The following PLCL1 variants were observed in gnomAD, a reference collection of about 807,000 sequenced individuals.
PLCL1 encodes the protein phospholipase C like 1 (inactive).
PLCL1 carries 41 observed loss-of-function variants against 84.4 expected under a neutral mutation model. The observed-to-expected ratio is 0.49, with a 90% confidence interval of 0.38 to 0.63. The LOEUF is 0.63. PLCL1 is among the 30% of genes least tolerant of loss of function. The pLI, the probability that PLCL1 is intolerant of heterozygous loss-of-function variation, is 0.00. For synonymous variants in PLCL1, 490 were observed against 488.3 expected (o/e 1.00, Z -0.05); for missense variants, 1,206 against 1,367.8 (o/e 0.88, Z 1.87).
chr2:197,825,238 G>C (rs1197801602), intron 1 of PLCL1, among the ~76,000 whole-genome samples: 1 of 152,098 alleles, frequency 6.6e-6, no homozygotes, highest in African/African-American at 2.4e-5. Flanking sequence ...TGTAATCTTT[G>C]TGCAAGCCAA....
At chr2:197,820,125 T>G (rs1238377351) in intron 1 of PLCL1, among the ~76,000 whole-genome samples, 1 of 152,082 alleles carries the variant, frequency 6.6e-6, no homozygotes, top group Non-Finnish European at 1.5e-5. Flanking sequence ...TAGGTGCATA[T>G]ATGTTATTTC....
At chr2:197,894,851 C>T (rs1688102333) in intron 1 of PLCL1, among the ~76,000 whole-genome samples, 1 of 151,860 alleles carries the variant, frequency 6.6e-6, no homozygotes, top group South Asian at 2.1e-4. Flanking sequence ...AACCATGGTC[C>T]CTCCTTTTCC....
chr2:197,952,601 G>A (rs1202976263), intron 1 of PLCL1, among the ~76,000 whole-genome samples: 2 of 152,124 alleles, frequency 1.3e-5, no homozygotes, highest in Non-Finnish European at 2.9e-5. Flanking sequence ...ATTTTCTTGT[G>A]GGGATCCTAC....
chr2:197,849,898 T>C (rs958956065), intron 1 of PLCL1, among the ~76,000 whole-genome samples: 1 of 152,144 alleles, frequency 6.6e-6, no homozygotes, highest in African/African-American at 2.4e-5. Context: ...AGTGACTGGT[T>C]CAGGTTCTCT....
chr2:197,987,369 A>G lies in PLCL1; in HGVS notation c.241-96389A>G, dbSNP rs187882741. ...AGTCAGATCTGGCCACACTGTGCCC[A>G]CATTCATGCATGGCAGTAGGCTGAA... On this transcript the variant is annotated intron_variant, in intron 1 of 5. Coordinates refer to ENST00000428675, the MANE Select transcript of PLCL1 (RefSeq NM_006226.4). Among the ~76,000 whole-genome samples, 689 of 152,362 alleles carry G rather than the reference A, an allele frequency of 4.5e-3. 5 individuals carry two copies. The highest frequency in any genetic ancestry group is 0.016 in the African/African-American group (660 of 41,582).
chr2:198,077,663 C>T (rs1692612309), intron 1 of PLCL1, among the ~76,000 whole-genome samples: 1 of 152,158 alleles, frequency 6.6e-6, no homozygotes, highest in Admixed American at 6.5e-5. Context: ...TAACTTCCAA[C>T]ACTGAAACTG....
intron 1 of PLCL1, among the ~76,000 whole-genome samples, chr2:198,017,941 A>G (rs1373867036): frequency 1.3e-5 from 2 of 152,220 alleles, no homozygotes; most frequent in Non-Finnish European, 2.9e-5. Flanking sequence ...GCTCCCAGGC[A>G]AGATGGCTGA....
chr2:198,066,163 T>C (rs988616033), intron 1 of PLCL1, among the ~76,000 whole-genome samples: 1 of 152,226 alleles, frequency 6.6e-6, no homozygotes, highest in Non-Finnish European at 1.5e-5. Flanking sequence ...AGTACTCTTC[T>C]CTTTTTATTC....
chr2:197,839,325 G>A (rs1691251168), intron 1 of PLCL1, among the ~76,000 whole-genome samples: 1 of 152,160 alleles, frequency 6.6e-6, no homozygotes, highest in Non-Finnish European at 1.5e-5. Context: ...TCAGCATCAG[G>A]GACTGGTTGC....
At chr2:198,131,595 C>A (rs1694119810) in intron 5 of PLCL1, among the ~76,000 whole-genome samples, 1 of 152,172 alleles carries the variant, frequency 6.6e-6, no homozygotes, top group Non-Finnish European at 1.5e-5. Flanking sequence ...TTTCCAAAGT[C>A]ACAAAGTCAA....
At chr2:198,043,899 T>TTTTTA (rs1691727279) in intron 1 of PLCL1, among the ~76,000 whole-genome samples, 4 of 150,714 alleles carry the variant, frequency 2.7e-5, no homozygotes, top group Admixed American at 1.3e-4. Context: ...TTTTTTTTTT[T>TTTTTA]AAATGAGAGG....
At chr2:198,118,242 T>G (rs1693790386) in intron 5 of PLCL1, among the ~76,000 whole-genome samples, 1 of 151,956 alleles carries the variant, frequency 6.6e-6, no homozygotes, top group African/African-American at 2.4e-5. Context: ...TCTTTGCTAC[T>G]GAATCACAGT....
chr2:198,139,160 T>TA (rs915245814), intron 5 of PLCL1, among the ~76,000 whole-genome samples: 67 of 143,806 alleles, frequency 4.7e-4, no homozygotes, highest in Middle Eastern at 3.6e-3. Context: ...CGTCTCAAAA[T>TA]AAAAAAAAAA....
intron 1 of PLCL1, among the ~76,000 whole-genome samples, chr2:197,993,267 G>A (rs1036968711): frequency 1.3e-5 from 2 of 152,140 alleles, no homozygotes; most frequent in Non-Finnish European, 2.9e-5. Context: ...TGGTGATGTT[G>A]AGCATTTTTT....
intron 1 of PLCL1, among the ~76,000 whole-genome samples, chr2:198,008,885 T>G (rs1337104751): frequency 6.6e-6 from 1 of 152,072 alleles, no homozygotes; most frequent in East Asian, 1.9e-4. Flanking sequence ...GCTCTTTTGA[T>G]GGTGACCATC....
At chr2:198,036,335 A>G (rs758135967) in intron 1 of PLCL1, among the ~76,000 whole-genome samples, 1 of 152,188 alleles carries the variant, frequency 6.6e-6, no homozygotes, top group Non-Finnish European at 1.5e-5. Context: ...CTCTGTTTAG[A>G]TTCTTCACAC....
At chr2:198,092,050 C>T (rs1385571414) in intron 3 of PLCL1, among the ~76,000 whole-genome samples, 1 of 151,398 alleles carries the variant, frequency 6.6e-6, no homozygotes, top group Non-Finnish European at 1.5e-5. Flanking sequence ...ACTGCACCTG[C>T]ATCTCCAGCC....
intron 1 of PLCL1, among the ~76,000 whole-genome samples, chr2:197,870,315 T>C (rs1687627531): frequency 6.6e-6 from 1 of 152,162 alleles, no homozygotes; most frequent in Admixed American, 6.6e-5. Context: ...CTCAGGTACA[T>C]GTAGGCTCCA....
rs1176184887 is a variant in PLCL1 at position 197,989,712 on chromosome 2, A to G, written c.241-94046A>G. Among the ~76,000 whole-genome samples the G allele has an allele frequency of 2.0e-5, 3 of 151,972 alleles. No homozygotes were observed. The East Asian group carries it at 5.8e-4, about 29-fold the overall frequency. ...GAGTGAGACTCTGTCTCAAAACAAA[A>G]CAAAACAAAACAAAAAACAAAAAAA... On this transcript the variant is annotated intron_variant, in intron 1 of 5. Coordinates refer to ENST00000428675, the MANE Select transcript of PLCL1 (RefSeq NM_006226.4).
Sources: gnomAD v4.1 joint callset for allele counts (sites outside exome capture counted in the v4.1 genomes callset) on GRCh38, gnomAD v4.1.1 for gene constraint, MANE v1.5 for transcripts, NCBI Gene and HGNC (gene_info 2026-07-23, HGNC 2026-07-21) for gene names.